Variants in KCNN1 observed in about 807,000 individuals in gnomAD.
KCNN1 encodes the protein potassium calcium-activated channel subfamily N member 1.
Under a neutral mutation model 44.7 loss-of-function variants are expected in KCNN1, and 20 were observed. The ratio of observed to expected loss-of-function variants is 0.45; its 90% CI spans 0.32 to 0.65. The LOEUF is 0.65. Among genes scored for constraint, KCNN1 ranks in the 30% least tolerant of loss-of-function variants. The pLI is 0.05. For missense variants in KCNN1, 632 were observed against 785.3 expected, an observed-to-expected ratio of 0.80 and a Z score of 2.33; for synonymous variants, 324 against 341.7, an observed-to-expected ratio of 0.95 and a Z score of 0.57.
rs1189820808 is a variant in KCNN1, at chr19:17,998,881, A to G, written c.*475A>G. On this transcript the variant is annotated 3_prime_UTR_variant, in exon 10 of 10. Coordinates refer to ENST00000684775, the MANE Select transcript of KCNN1 (RefSeq NM_001386974.1). This position sits in a 1 kb window ranked among gnomAD's most constrained non-coding sequence, Gnocchi z 5.4. Reference sequence around the variant, plus strand: ...CCTCTGGGCTGGAGCTCAGTGAGGGACAACTCTCTAGGGACACCTGTACCA... The same window carrying G: ...CCTCTGGGCTGGAGCTCAGTGAGGGGCAACTCTCTAGGGACACCTGTACCA... The G allele has an allele frequency of 7.8e-5, 12 of 153,846 alleles. No homozygotes were observed. The highest frequency in any genetic ancestry group is 1.7e-4 in the Non-Finnish European group (12 of 69,198). The allele number at this position is 153,846 out of a possible 1,614,324, so 9.5% of individuals were successfully genotyped here.
chr19:17,979,287 G>GCCAGGCGT (rs2032313786), intron 3 of KCNN1, among the ~76,000 whole-genome samples: 1 of 151,476 alleles, frequency 6.6e-6, no homozygotes, highest in African/African-American at 2.4e-5. Context: ...CAAAACATTA[G>GCCAGGCGT]CCAGGCGTGG....
intron 4 of KCNN1, among the ~76,000 whole-genome samples, chr19:17,982,898 A>G (rs2032467587): frequency 1.3e-5 from 2 of 151,984 alleles, no homozygotes; most frequent in South Asian, 4.1e-4. Context: ...GGGGTGGGCT[A>G]GGTGCGGTGG....
At chr19:17,966,803 G>A (rs1162879622), upstream of KCNN1, among the ~76,000 whole-genome samples, 1 of 152,044 alleles carries the variant, frequency 6.6e-6, no homozygotes, top group Middle Eastern at 3.2e-3. Flanking sequence ...GTCCCCAGGC[G>A]TGCAAAGGTT....
intron 2 of KCNN1, among the ~76,000 whole-genome samples, chr19:17,960,451 G>A (rs1235862341): frequency 6.6e-6 from 1 of 152,014 alleles, no homozygotes; most frequent in Non-Finnish European, 1.5e-5. Context: ...CCAACATGGT[G>A]AAACCCTGTC....
At position 17,982,360 on chromosome 19, in the gene KCNN1, C is replaced by G. The variant is rs183392215; in HGVS notation, c.917+233C>G. Among the ~76,000 whole-genome samples, 1,016 of 152,092 alleles carry G rather than the reference C, an allele frequency of 6.7e-3. 6 individuals are homozygous for G. Among genetic ancestry groups the G allele is most frequent in the African/African-American group, 0.021 (854 of 41,498 alleles). On this transcript the variant is annotated intron_variant, in intron 4 of 9. Coordinates refer to ENST00000684775, the MANE Select transcript of KCNN1 (RefSeq NM_001386974.1). ...CAGCTGCCCTCAACCAGGGAGGGAC[C>G]CCAGCTCCCTCTCCCTCATCCTCCC...
chr19:17,974,045 C>G lies in KCNN1; in HGVS notation c.157C>G (p.Arg53Gly). 1 of 1,609,626 alleles carries G rather than the reference C, an allele frequency of 6.2e-7. No individual in the cohort carries two copies. The highest frequency in any genetic ancestry group is 8.5e-7 in the Non-Finnish European group (1 of 1,178,962). The change falls in exon 2 of 10, where the codon CGG (arginine) becomes GGG (glycine). Residue 53 changes from arginine to glycine, a missense_variant. By Grantham distance (125) the Arg-to-Gly change is moderately radical (BLOSUM62 -2). Transcript: ENST00000684775. This position sits in a 1 kb window ranked among gnomAD's most constrained non-coding sequence, Gnocchi z 7.3. ...GGTAGTGGCCAAGAGTGAGCCAGCC[C>G]GGCCCTCACCCGGCAGCCCCCGGGG... is the stretch of plus-strand genomic sequence containing the variant. ...QVVVAKSEPA[R>G]PSPGSPRGQP...
intron 2 of KCNN1, among the ~76,000 whole-genome samples, chr19:17,958,218 T>C (rs534168609): frequency 6.6e-6 from 1 of 151,998 alleles, no homozygotes; most frequent in South Asian, 2.1e-4. Context: ...CCAAGAAAGA[T>C]CCCTGTAATC....
chr19:17,982,890 G>C (rs531375481), intron 4 of KCNN1, among the ~76,000 whole-genome samples: 28 of 152,242 alleles, frequency 1.8e-4, no homozygotes, highest in African/African-American at 5.5e-4. Flanking sequence ...ATGGATCTGG[G>C]GTGGGCTAGG....
At chr19:17,963,001 T>C (rs910742877), upstream of KCNN1, among the ~76,000 whole-genome samples, 9 of 47,456 alleles carry the variant, frequency 1.9e-4, no homozygotes, top group African/African-American at 1.0e-3. Flanking sequence ...ACGCCCAGGC[T>C]TTTTTTTTTT....
Position 17,998,383 on chromosome 19 carries a change from G to A in KCNN1, c.1609G>A (p.Val537Met), listed in dbSNP as rs1398401233. Residue 537 changes from valine to methionine, a missense_variant, in exon 10 of 10, where the codon GTG (valine) becomes ATG (methionine). By Grantham distance (21) the Val-to-Met change is conservative (BLOSUM62 1). Coordinates refer to ENST00000684775, the MANE Select transcript of KCNN1 (RefSeq NM_001386974.1). This position sits in a 1 kb window ranked among gnomAD's most constrained non-coding sequence, Gnocchi z 5.4. ...GAGCTCCCCCTGCCGGTGGACGCCCGTGGCCCCCTCGGACTGCGGGTGACG... is the reference window on the plus strand; with the variant it reads ...GAGCTCCCCCTGCCGGTGGACGCCCATGGCCCCCTCGGACTGCGGGTGACG... ...ARSSPCRWTP[V>M]APSDCG 13 of 1,490,626 alleles carry A rather than the reference G, an allele frequency of 8.7e-6. No individual in the cohort carries two copies. The highest frequency in any genetic ancestry group is 6.7e-5 in the Admixed American group (3 of 45,086). The allele number at this position is 1,490,626 out of a possible 1,614,324, so 92.3% of individuals were successfully genotyped here.
intron 2 of KCNN1, among the ~76,000 whole-genome samples, chr19:17,956,581 A>AT (rs59430994): frequency 0.19 from 28,330 of 146,620 alleles, 2,813 homozygotes; most frequent in East Asian, 0.37. Flanking sequence ...CATCTCTACA[A>AT]TTTTTTTTTT....
At chr19:17,970,452 G>C (rs2031979940) in intron 1 of KCNN1, among the ~76,000 whole-genome samples, 1 of 151,464 alleles carries the variant, frequency 6.6e-6, no homozygotes, top group African/African-American at 2.4e-5. Flanking sequence ...CAAGTAGCTG[G>C]GATGACAGGT....
intron 5 of KCNN1, among the ~76,000 whole-genome samples, chr19:17,988,149 C>A (rs2032665246): frequency 1.8e-5 from 2 of 111,534 alleles, no homozygotes; most frequent in Non-Finnish European, 3.5e-5. Context: ...AGCGAGACTC[C>A]ATCTCAAAAA....
intron 1 of KCNN1, among the ~76,000 whole-genome samples, chr19:17,973,433 A>ACTACGCCTGG (rs1181747835): frequency 6.6e-6 from 1 of 152,146 alleles, no homozygotes; most frequent in Non-Finnish European, 1.5e-5. Context: ...GGCATGCACC[A>ACTACGCCTGG]CTACGCCTGG....
chr19:17,969,971 G>A (rs887654781), intron 1 of KCNN1, among the ~76,000 whole-genome samples: 1 of 152,246 alleles, frequency 6.6e-6, no homozygotes, highest in Non-Finnish European at 1.5e-5. Flanking sequence ...GCCCACCTAA[G>A]TATTTGTGAG....
chr19:17,968,045 A>T (rs1027822430), intron 1 of KCNN1, among the ~76,000 whole-genome samples: 1 of 113,858 alleles, frequency 8.8e-6, no homozygotes, highest in Non-Finnish European at 1.7e-5. Flanking sequence ...TGCCCTGCAG[A>T]GCTAGGGCCC....
Position 17,989,759 on chromosome 19 carries a change from T to C in KCNN1, c.1214T>C (p.Ile405Thr), listed in dbSNP as rs2032723837. 1 of 1,613,834 alleles carries C rather than the reference T, an allele frequency of 6.2e-7. No individual in the cohort carries two copies. Reference protein sequence around the residue: ...AANVLRETWLIYKHTRLVKKP... With the variant: ...AANVLRETWLTYKHTRLVKKP... ...AACGTTCTCAGGGAGACGTGGCTCA[T>C]CTACAAACATACCAGGCTGGTGAAG... Residue 405 changes from isoleucine (I) to threonine (T), a missense_variant, in exon 7 of 10, where the codon ATC becomes ACC. Ile to Thr is a moderately conservative substitution (Grantham distance 89, BLOSUM62 -1). Transcript: ENST00000684775.
chr19:17,974,391 G>C lies in KCNN1; in HGVS notation c.402+101G>C. 7.6e-7 allele frequency: 1 copy of C among 1,323,198 alleles called. No individual in the cohort carries two copies. Among genetic ancestry groups the C allele is most frequent in the Non-Finnish European group, 1.0e-6 (1 of 994,858 alleles). 82.0% of individuals were successfully genotyped at this position (1,323,198 alleles called of 1,614,324 possible). A position where few individuals can be genotyped will look rare whatever the true frequency, so the allele number is the denominator to read the frequency against. On this transcript the variant is annotated intron_variant, in intron 2 of 9. Coordinates refer to ENST00000684775, the MANE Select transcript of KCNN1 (RefSeq NM_001386974.1). The surrounding 1 kb of genome is among the most constrained non-coding windows in gnomAD (Gnocchi z 7.3). ...GGTGGCAGGGCCCCCCGGGAGATAG[G>C]GAGTGTTAGGGGGCTCCCGGAGGTG...
In KCNN1 at chr19:17,988,370, A is replaced by G. The variant is rs777375351; in HGVS notation, c.1060-45A>G. The G allele has an allele frequency of 1.1e-5, 17 of 1,503,984 alleles. 1 individual carries two copies. In the Middle Eastern group the frequency reaches 2.4e-3, roughly 211 times the overall value. 93.2% of individuals were successfully genotyped at this position (1,503,984 alleles called of 1,614,324 possible). A position where few individuals can be genotyped will look rare whatever the true frequency, so the allele number is the denominator to read the frequency against. Reference sequence around the variant, plus strand: ...GGCAGGCTTCCTGGAGGAGGGAGTGACCTCAAGACAGGACGCTGATGTGCC... The same window carrying G: ...GGCAGGCTTCCTGGAGGAGGGAGTGGCCTCAAGACAGGACGCTGATGTGCC... On this transcript the variant is annotated intron_variant, in intron 5 of 9. Coordinates refer to ENST00000684775, the MANE Select transcript of KCNN1 (RefSeq NM_001386974.1).
Sources: gnomAD v4.1 joint callset for allele counts (sites outside exome capture counted in the v4.1 genomes callset) on GRCh38, gnomAD v4.1.1 for gene constraint, Gnocchi (gnomAD v3.1) non-coding constraint, MANE v1.5 for transcripts, NCBI Gene and HGNC (gene_info 2026-07-23, HGNC 2026-07-21) for gene names.